The following PTPRT variants were observed in gnomAD, a reference collection of about 807,000 sequenced individuals.
PTPRT encodes receptor-type tyrosine-protein phosphatase T.
Under a neutral mutation model 176.8 loss-of-function variants are expected in PTPRT, and 56 were observed. The observed-to-expected ratio is 0.32, with a 90% CI of 0.26 to 0.40. The LOEUF (loss-of-function observed/expected upper bound fraction) is 0.40, where lower values mean the gene tolerates loss of function less well. Ranked by LOEUF, PTPRT falls within the 10% of genes least tolerant of loss-of-function variation. PTPRT has a pLI of 1.00. For missense variants in PTPRT, 1,540 were observed against 1,908.2 expected, an observed-to-expected ratio of 0.81 and a Z score of 3.60; for synonymous variants, 783 against 739.0, an observed-to-expected ratio of 1.06 and a Z score of -0.96.
At chr20:42,758,821 T>C (rs2076874407) in intron 5 of PTPRT, among the ~76,000 whole-genome samples, 1 of 152,170 alleles carries the variant, frequency 6.6e-6, no homozygotes, top group African/African-American at 2.4e-5. Context: ...TGTTCTGAGC[T>C]GGAAAGTTTC....
At chr20:42,994,936 A>G (rs1048398189) in intron 1 of PTPRT, among the ~76,000 whole-genome samples, 32 of 152,218 alleles carry the variant, frequency 2.1e-4, no homozygotes, top group Non-Finnish European at 1.5e-5. Context: ...AGATTATGTG[A>G]TGGGGGAATA....
chr20:42,871,029 C>A (rs1194658155), intron 2 of PTPRT, among the ~76,000 whole-genome samples: 24 of 151,608 alleles, frequency 1.6e-4, no homozygotes, highest in Non-Finnish European at 1.5e-5. Context: ...TGGCTCACTG[C>A]AACCTCCACC....
chr20:42,453,171 T>C (rs990671618), intron 8 of PTPRT, among the ~76,000 whole-genome samples: 2 of 152,170 alleles, frequency 1.3e-5, no homozygotes, highest in Admixed American at 1.3e-4. Context: ...CAGAAGAATT[T>C]AGGAAGAGTT....
At chr20:42,530,420 TA>T (rs1280192762) in intron 7 of PTPRT, among the ~76,000 whole-genome samples, 1 of 147,742 alleles carries the variant, frequency 6.8e-6, no homozygotes, top group African/African-American at 2.5e-5. Context: ...CAGACACAGA[TA>T]ATCACAACAT....
intron 1 of PTPRT, among the ~76,000 whole-genome samples, chr20:43,168,850 C>G (rs2014922976): frequency 6.6e-6 from 1 of 152,194 alleles, no homozygotes; most frequent in Admixed American, 6.5e-5. Context: ...ACAGTAAGAG[C>G]TTTCCAACTA....
chr20:42,633,826 T>C lies in PTPRT; in HGVS notation c.1153+44040A>G, dbSNP rs1238011240. 1.9e-3 allele frequency among the ~76,000 whole-genome samples: 177 copies of C among 92,492 alleles called. 1 individual carries two copies. Among genetic ancestry groups the C allele is most frequent in the Non-Finnish European group, 3.0e-3 (152 of 51,470 alleles). 60.7% of individuals were successfully genotyped at this position (92,492 alleles called of 152,430 possible). On this transcript the variant is annotated intron_variant, in intron 7 of 30. Coordinates refer to ENST00000373187, the MANE Select transcript of PTPRT (RefSeq NM_007050.6). ...ATATATATATATATATATAATAAAA[T>C]ATTAATATATTATAATAATATAATT...
chr20:42,216,816 C>T (rs1344736942), intron 15 of PTPRT, among the ~76,000 whole-genome samples: 1 of 152,142 alleles, frequency 6.6e-6, no homozygotes, highest in Non-Finnish European at 1.5e-5. Flanking sequence ...TACAAGTTGG[C>T]TTTCTTCTGC....
intron 16 of PTPRT, among the ~76,000 whole-genome samples, chr20:42,180,440 T>A (rs1334756329): frequency 6.6e-6 from 1 of 152,194 alleles, no homozygotes; most frequent in Non-Finnish European, 1.5e-5. Context: ...TTCAGCATGT[T>A]CTATTGTTTC....
intron 7 of PTPRT, among the ~76,000 whole-genome samples, chr20:42,547,441 G>T (rs941213137): frequency 3.3e-5 from 5 of 151,928 alleles, no homozygotes; most frequent in African/African-American, 9.7e-5. Flanking sequence ...AGTCACAGAA[G>T]GGAATAGATG....
intron 2 of PTPRT, among the ~76,000 whole-genome samples, chr20:42,797,351 A>G (rs1167264808): frequency 6.6e-6 from 1 of 152,144 alleles, no homozygotes; most frequent in Non-Finnish European, 1.5e-5. Context: ...ATCCAATAAA[A>G]CAGTACTCAG....
chr20:42,564,966 C>G lies in PTPRT; in HGVS notation c.1154-92404G>C, dbSNP rs78945273. Among the ~76,000 whole-genome samples the G allele has an allele frequency of 8.8e-3, 1,345 of 152,158 alleles. 17 individuals carry two copies. The highest frequency in any genetic ancestry group is 0.03 in the African/African-American group (1,254 of 41,496). ...CCAAGGAGGGTGCCGGAACCAATCT[C>G]CTGAGGATACTGAGGGTCAACCGTA... On this transcript the variant is annotated intron_variant, in intron 7 of 30. Coordinates refer to ENST00000373187, the MANE Select transcript of PTPRT (RefSeq NM_007050.6).
At chr20:43,157,560 T>C (rs1412392303) in intron 1 of PTPRT, among the ~76,000 whole-genome samples, 2 of 152,256 alleles carry the variant, frequency 1.3e-5, no homozygotes, top group East Asian at 3.9e-4. Context: ...ACTAAGTAGT[T>C]GGTGGGGGAA....
intron 9 of PTPRT, among the ~76,000 whole-genome samples, chr20:42,432,472 A>G (rs556901782): frequency 1.2e-4 from 19 of 152,332 alleles, no homozygotes; most frequent in South Asian, 4.1e-4. Context: ...ACCCCAGAGA[A>G]ACCTGAAAAC....
chr20:43,171,884 C>T (rs1356238949), intron 1 of PTPRT, among the ~76,000 whole-genome samples: 1 of 152,178 alleles, frequency 6.6e-6, no homozygotes, highest in Non-Finnish European at 1.5e-5. Context: ...TACCCTAACC[C>T]CTCTCCTCCT....
intron 16 of PTPRT, among the ~76,000 whole-genome samples, chr20:42,193,364 A>C (rs923965754): frequency 6.6e-6 from 1 of 152,240 alleles, no homozygotes; most frequent in Non-Finnish European, 1.5e-5. Context: ...TTCTGCCCAC[A>C]TGGTAGAAAA....
chr20:42,448,183 G>T, intron 9 of PTPRT, 37 bp downstream of exon 9: 1 of 1,492,492 alleles, frequency 6.7e-7, no homozygotes, highest in Non-Finnish European at 9.3e-7. Context: ...CTTGAATAAA[G>T]CTAAGCCAAT....
intron 7 of PTPRT, among the ~76,000 whole-genome samples, chr20:42,598,735 C>G (rs2073721322): frequency 6.6e-6 from 1 of 152,100 alleles, no homozygotes; most frequent in Non-Finnish European, 1.5e-5. Context: ...TCCCTGGTCT[C>G]CAGGCAGAGA....
At chr20:42,350,779 T>G in intron 10 of PTPRT, 49 bp from the exon 11 acceptor site, 1 of 1,400,146 alleles carries the variant, frequency 7.1e-7, no homozygotes, top group South Asian at 1.2e-5. Context: ...GATTCCCAAC[T>G]GGCTCCCCAC....
intron 1 of PTPRT, among the ~76,000 whole-genome samples, chr20:43,046,206 T>C (rs1397521629): frequency 6.6e-6 from 1 of 151,908 alleles, no homozygotes; most frequent in Non-Finnish European, 1.5e-5. Flanking sequence ...CCAGCAGTGG[T>C]GGGAACTCAG....
Sources: gnomAD v4.1 joint callset for allele counts (sites outside exome capture counted in the v4.1 genomes callset) on GRCh38, gnomAD v4.1.1 for gene constraint, MANE v1.5 for transcripts, NCBI Gene and HGNC (gene_info 2026-07-23, HGNC 2026-07-21) for gene names.